Variants in TMEM178A observed in about 807,000 individuals in gnomAD.
The protein encoded by TMEM178A is transmembrane protein 178A, also known as transmembrane protein 178.
TMEM178A carries 12 observed loss-of-function variants against 29.1 expected under a neutral mutation model. The ratio of observed to expected loss-of-function variants is 0.41; its 90% CI spans 0.26 to 0.67. TMEM178A has a LOEUF of 0.67. Among genes scored for constraint, TMEM178A ranks in the 30% least tolerant of loss-of-function variants. The pLI, the probability that TMEM178A is intolerant of heterozygous loss-of-function variation, is 0.29. For missense variants in TMEM178A, 366 were observed against 419.1 expected (o/e 0.87, Z 1.11); for synonymous variants, 210 against 187.2 (o/e 1.12, Z -0.99).
Position 39,717,436 on chromosome 2 carries a change from A to G in TMEM178A, c.*185A>G. On this transcript the variant is annotated 3_prime_UTR_variant, in exon 4 of 4. Transcript: ENST00000281961. ...CTAAGGACAAGACTACTGTGGATTCAAGTGCTTTAATGACTATTTATGCGT... is the reference window on the plus strand; with the variant it reads ...CTAAGGACAAGACTACTGTGGATTCGAGTGCTTTAATGACTATTTATGCGT... 1.3e-6 allele frequency: 1 copy of G among 781,956 alleles called. No homozygotes were observed. The allele number at this position is 781,956 out of a possible 1,614,324, so 48.4% of individuals were successfully genotyped here. A position where few individuals can be genotyped will look rare whatever the true frequency, so the allele number is the denominator to read the frequency against.
At chr2:39,695,801 C>T (rs756776039) in intron 1 of TMEM178A, among the ~76,000 whole-genome samples, 20 of 151,892 alleles carry the variant, frequency 1.3e-4, no homozygotes, top group Non-Finnish European at 2.2e-4. Context: ...TCTGAGGGAC[C>T]GCGTGTGATT....
At chr2:39,713,085 G>C (rs1298617796) in intron 3 of TMEM178A, among the ~76,000 whole-genome samples, 1 of 152,176 alleles carries the variant, frequency 6.6e-6, no homozygotes, top group Non-Finnish European at 1.5e-5. Context: ...AAGTCTAAGA[G>C]ATCCCTATGA....
intron 1 of TMEM178A, among the ~76,000 whole-genome samples, chr2:39,697,315 T>C (rs1005154277): frequency 1.3e-5 from 2 of 152,214 alleles, no homozygotes; most frequent in Admixed American, 1.3e-4. Context: ...CTTAATAATA[T>C]TGCTTTCCTC....
intron 3 of TMEM178A, among the ~76,000 whole-genome samples, chr2:39,708,556 C>T (rs1558462912): frequency 6.7e-6 from 1 of 149,864 alleles, no homozygotes; most frequent in African/African-American, 2.5e-5. Context: ...GTAGCTGGGA[C>T]TACAGGCGCG....
chr2:39,727,327 A>T, the TMEM178A span, among the ~76,000 whole-genome samples: 3 of 152,218 alleles, frequency 2.0e-5, no homozygotes, highest in Non-Finnish European at 4.4e-5. Flanking sequence ...GAAGCAAATG[A>T]ACAAATGAAT....
At chr2:39,677,436 C>G (rs1293912091) in intron 1 of TMEM178A, among the ~76,000 whole-genome samples, 1 of 152,206 alleles carries the variant, frequency 6.6e-6, no homozygotes, top group East Asian at 1.9e-4. Context: ...TAGCAAATCA[C>G]TCCTTGCTAT....
chr2:39,735,646 A>AG, the TMEM178A span, among the ~76,000 whole-genome samples: 1 of 152,228 alleles, frequency 6.6e-6, no homozygotes, highest in Non-Finnish European at 1.5e-5. Context: ...CCATTATCAG[A>AG]GTCCCAGCTG....
At chr2:39,688,041 G>T (rs2148075247) in intron 1 of TMEM178A, among the ~76,000 whole-genome samples, 1 of 152,310 alleles carries the variant, frequency 6.6e-6, no homozygotes, top group Admixed American at 6.5e-5. Context: ...TGTCAGTAAA[G>T]CTCTCAGCAC....
At chr2:39,731,892 G>C in the TMEM178A span, among the ~76,000 whole-genome samples, 1 of 152,152 alleles carries the variant, frequency 6.6e-6, no homozygotes, top group African/African-American at 2.4e-5. Flanking sequence ...GAAAGGGTAG[G>C]GCACTGGGCA....
the TMEM178A span, among the ~76,000 whole-genome samples, chr2:39,724,281 CAAAA>C: frequency 1.4e-5 from 2 of 138,072 alleles, no homozygotes; most frequent in Admixed American, 7.2e-5. Context: ...GTAATTATTT[CAAAA>C]AAAAAAAAGA....
the TMEM178A span, among the ~76,000 whole-genome samples, chr2:39,724,214 CCTTA>C: frequency 6.6e-6 from 1 of 152,038 alleles, no homozygotes; most frequent in South Asian, 2.1e-4. Context: ...GGTATGTCCT[CCTTA>C]CTTTGTCCTG....
chr2:39,669,569 A>G (rs1670323704), intron 1 of TMEM178A, among the ~76,000 whole-genome samples: 2 of 152,242 alleles, frequency 1.3e-5, no homozygotes, highest in Non-Finnish European at 2.9e-5. Flanking sequence ...ACTTCTATCT[A>G]GCCCAGAGCC....
chr2:39,672,517 A>G (rs1422083777), intron 1 of TMEM178A, among the ~76,000 whole-genome samples: 1 of 151,930 alleles, frequency 6.6e-6, no homozygotes, highest in Non-Finnish European at 1.5e-5. Context: ...TATAATTGCA[A>G]CGGTTCTTTT....
the TMEM178A span, among the ~76,000 whole-genome samples, chr2:39,726,615 C>G: frequency 6.6e-6 from 1 of 152,144 alleles, no homozygotes; most frequent in Non-Finnish European, 1.5e-5. Flanking sequence ...ATGAATTGTC[C>G]TTGGTTTCCA....
chr2:39,729,816 C>G, the TMEM178A span, among the ~76,000 whole-genome samples: 1 of 152,158 alleles, frequency 6.6e-6, no homozygotes, highest in Non-Finnish European at 1.5e-5. Flanking sequence ...TCTTTTGCTC[C>G]TTAAGCAGAC....
chr2:39,721,269 C>T (rs1054034998), downstream of TMEM178A, among the ~76,000 whole-genome samples: 27 of 152,198 alleles, frequency 1.8e-4, no homozygotes, highest in African/African-American at 5.8e-4. Context: ...ATACATATTC[C>T]TCTTAATATG....
chr2:39,721,985 CAAAAAAAAAAA>C (rs57605942), downstream of TMEM178A, among the ~76,000 whole-genome samples: 14 of 40,070 alleles, frequency 3.5e-4, no homozygotes, highest in South Asian at 2.5e-3. Context: ...AGACCAGTCT[CAAAAAAAAAAA>C]AAAAAAAAAA....
intron 1 of TMEM178A, among the ~76,000 whole-genome samples, chr2:39,666,871 G>A (rs1005834417): frequency 5.9e-5 from 9 of 152,258 alleles, no homozygotes; most frequent in Non-Finnish European, 1.0e-4. Flanking sequence ...GAGGGAAGGG[G>A]CTTTGCCTGT....
At chr2:39,698,304 A>G (rs751174828) in intron 1 of TMEM178A, among the ~76,000 whole-genome samples, 3 of 152,216 alleles carry the variant, frequency 2.0e-5, no homozygotes, top group Non-Finnish European at 4.4e-5. Context: ...TGAGCTTCGG[A>G]TTCTTTTACT....
Sources: gnomAD v4.1 joint callset for allele counts (sites outside exome capture counted in the v4.1 genomes callset) on GRCh38, gnomAD v4.1.1 for gene constraint, MANE v1.5 for transcripts, NCBI Gene and HGNC (gene_info 2026-07-23, HGNC 2026-07-21) for gene names.